JARID2: variants seen among roughly 807,000 people sequenced by gnomAD.
JARID2 encodes the protein protein Jumonji.
JARID2 carries 21 observed loss-of-function variants against 125.6 expected under a neutral mutation model. The ratio of observed to expected loss-of-function variants is 0.17; its 90% CI spans 0.12 to 0.24. JARID2 has a LOEUF of 0.24. JARID2 is among the 10% of genes least tolerant of loss of function. The pLI, the probability that JARID2 is intolerant of heterozygous loss-of-function variation, is 1.00. For missense variants in JARID2, 1,303 were observed against 1,639.6 expected, an observed-to-expected ratio of 0.79 and a Z score of 3.55; for synonymous variants, 736 against 661.6, an observed-to-expected ratio of 1.11 and a Z score of -1.73.
intron 3 of JARID2, among the ~76,000 whole-genome samples, chr6:15,416,472 G>A (rs971623438): frequency 6.6e-6 from 1 of 152,120 alleles, no homozygotes; most frequent in African/African-American, 2.4e-5. Flanking sequence ...GATCACTCGC[G>A]GTTAGGAGCT....
At chr6:15,492,776 G>C (rs1273356176) in intron 6 of JARID2, among the ~76,000 whole-genome samples, 1 of 152,168 alleles carries the variant, frequency 6.6e-6, no homozygotes, top group Non-Finnish European at 1.5e-5. Context: ...AGTGACACTT[G>C]CCTTTTTCAG....
chr6:15,353,556 T>C (rs1763499837), intron 1 of JARID2, among the ~76,000 whole-genome samples: 1 of 152,300 alleles, frequency 6.6e-6, no homozygotes, highest in South Asian at 2.1e-4. Context: ...GAATGCCAAT[T>C]GATCGTGGTG....
intron 1 of JARID2, among the ~76,000 whole-genome samples, chr6:15,362,675 T>C (rs2127497311): frequency 6.6e-6 from 1 of 152,264 alleles, no homozygotes; most frequent in Middle Eastern, 3.4e-3. Flanking sequence ...TGGGGAGCCA[T>C]GGAAAGGCTT....
At chr6:15,410,968 ATGG>A (rs1765851901) in intron 3 of JARID2, among the ~76,000 whole-genome samples, 1 of 152,250 alleles carries the variant, frequency 6.6e-6, no homozygotes, top group Non-Finnish European at 1.5e-5. Context: ...TTGTGGTTTC[ATGG>A]TCAAACAGTG....
intron 1 of JARID2, among the ~76,000 whole-genome samples, chr6:15,332,557 C>G (rs538460722): frequency 6.6e-6 from 1 of 152,272 alleles, no homozygotes; most frequent in Admixed American, 6.5e-5. Flanking sequence ...GTGACAAAAG[C>G]CTGTACAGCA....
At position 15,246,563 on chromosome 6, in the gene JARID2, G is replaced by A; in HGVS notation, c.24G>A (p.Arg8=). MSKERPK[R]NIIQKKYDDS... Reference sequence around the variant, plus strand: ...GAATGAGCAAGGAAAGACCCAAGAGGAATATCATTCAGAAGAAATACGTAA... The same window carrying A: ...GAATGAGCAAGGAAAGACCCAAGAGAAATATCATTCAGAAGAAATACGTAA... The change falls in exon 1 of 18, where the codon AGG becomes AGA. Residue 8 remains arginine (R), a synonymous_variant. Coordinates refer to ENST00000341776, the MANE Select transcript of JARID2 (RefSeq NM_004973.4). 1 of 1,613,606 alleles carries A rather than the reference G, an allele frequency of 6.2e-7. No homozygotes were observed.
chr6:15,426,376 C>CT (rs772961802), intron 3 of JARID2, among the ~76,000 whole-genome samples: 4 of 152,128 alleles, frequency 2.6e-5, no homozygotes, highest in African/African-American at 7.2e-5. Flanking sequence ...AGATGGTGAG[C>CT]TGGAGGCAAG....
intron 4 of JARID2, among the ~76,000 whole-genome samples, chr6:15,458,662 G>T (rs191626595): frequency 2.9e-4 from 44 of 152,310 alleles, no homozygotes; most frequent in Non-Finnish European, 6.2e-4. Context: ...CAATAAATGC[G>T]TGAAAATGCT....
At position 15,403,756 on chromosome 6, in the gene JARID2, G is replaced by A. The variant is rs917096770; in HGVS notation, c.182-6468G>A. 2.4e-4 allele frequency among the ~76,000 whole-genome samples: 36 copies of A among 152,240 alleles called. 1 individual carries two copies. Among genetic ancestry groups the A allele is most frequent in the Admixed American group, 1.1e-3 (17 of 15,288 alleles). ...GTCGTGGGGGCGGATTCTGGTGGTG[G>A]TGAGAGAGCTCTTGTGAGATTGTTG... On this transcript the variant is annotated intron_variant, in intron 2 of 17. Transcript: ENST00000341776.
chr6:15,405,095 G>C (rs1765595004), intron 2 of JARID2, among the ~76,000 whole-genome samples: 1 of 152,082 alleles, frequency 6.6e-6, no homozygotes, highest in Non-Finnish European at 1.5e-5. Flanking sequence ...GGAATCTTTG[G>C]CCTAATTTGT....
At chr6:15,395,790 G>A (rs1490274317) in intron 2 of JARID2, among the ~76,000 whole-genome samples, 3 of 151,580 alleles carry the variant, frequency 2.0e-5, no homozygotes, top group Admixed American at 6.6e-5. Flanking sequence ...TCAGCCTCCC[G>A]AGTAGCTGGG....
chr6:15,504,719 C>T (rs1226556121), intron 9 of JARID2, 127 bp downstream of exon 9: 8 of 659,728 alleles, frequency 1.2e-5, no homozygotes, highest in African/African-American at 9.0e-5. Context: ...GGGCTGAGTT[C>T]GTCCTCTGTG....
In JARID2 at chr6:15,512,241, A is replaced by G; in HGVS notation, c.2986A>G (p.Lys996Glu). The G allele has an allele frequency of 1.2e-6, 2 of 1,614,156 alleles. No homozygotes were observed. Among genetic ancestry groups the G allele is most frequent in the African/African-American group, 1.3e-5 (1 of 75,064 alleles). ...SPEVLCKEGI[K>E]VHRTVQQSGQ... is the part of the protein sequence containing the mutation. ...GGAGGTGCTGTGCAAAGAGGGGATC[A>G]AGGTGCACAGGACCGTGCAGCAGAG... The change falls in exon 14 of 18, where the codon AAG becomes GAG. Residue 996 changes from lysine to glutamate, a missense_variant. Coordinates refer to ENST00000341776, the MANE Select transcript of JARID2 (RefSeq NM_004973.4).
At chr6:15,371,629 G>A (rs1214664917) in intron 1 of JARID2, among the ~76,000 whole-genome samples, 3 of 152,206 alleles carry the variant, frequency 2.0e-5, no homozygotes, top group African/African-American at 7.2e-5. Flanking sequence ...TTCATGTGTT[G>A]TGGTGTCAAG....
chr6:15,359,206 C>T (rs538255734), intron 1 of JARID2, among the ~76,000 whole-genome samples: 4 of 152,292 alleles, frequency 2.6e-5, no homozygotes, highest in East Asian at 1.9e-4. Flanking sequence ...TGGTGTGACT[C>T]GCAGGTTGGT....
At chr6:15,326,977 C>A (rs770754467) in intron 1 of JARID2, among the ~76,000 whole-genome samples, 1 of 152,158 alleles carries the variant, frequency 6.6e-6, no homozygotes, top group African/African-American at 2.4e-5. Flanking sequence ...ATCTCTCTGT[C>A]CCTTTAATTT....
At chr6:15,329,795 C>G (rs1331191229) in intron 1 of JARID2, among the ~76,000 whole-genome samples, 2 of 152,302 alleles carry the variant, frequency 1.3e-5, no homozygotes, top group South Asian at 2.1e-4. Flanking sequence ...AGGCCTGAGT[C>G]TCTGTTAGGT....
chr6:15,491,534 T>G (rs565480481), intron 6 of JARID2, among the ~76,000 whole-genome samples: 1 of 152,366 alleles, frequency 6.6e-6, no homozygotes, highest in Admixed American at 6.5e-5. Context: ...TGGTTCTGTT[T>G]TGAAAGGCTG....
intron 1 of JARID2, among the ~76,000 whole-genome samples, chr6:15,310,408 A>G (rs1474283983): frequency 2.0e-5 from 3 of 152,222 alleles, no homozygotes; most frequent in African/African-American, 7.2e-5. Context: ...GCATTAATAC[A>G]TCACCCTCTC....
Sources: gnomAD v4.1 joint callset for allele counts (sites outside exome capture counted in the v4.1 genomes callset) on GRCh38, gnomAD v4.1.1 for gene constraint, MANE v1.5 for transcripts, NCBI Gene and HGNC (gene_info 2026-07-23, HGNC 2026-07-21) for gene names.